Variants in KLHL29 observed in about 807,000 individuals in gnomAD.
KLHL29 encodes kelch like family member 29, also known as kelch-like protein 29.
A neutral mutation model predicts 80.4 loss-of-function variants in KLHL29; 21 were observed. That is an observed-to-expected ratio of 0.26 (90% CI 0.19 to 0.38). KLHL29 has a LOEUF of 0.38. Among genes scored for constraint, KLHL29 ranks in the 10% least tolerant of loss-of-function variants. The pLI, the probability that KLHL29 is intolerant of heterozygous loss-of-function variation, is 1.00. For synonymous variants in KLHL29, 511 were observed against 526.8 expected (o/e 0.97, Z 0.41); for missense variants, 867 against 1,223.9 (o/e 0.71, Z 4.35).
chr2:23,632,453 A>G (rs1465065855), intron 3 of KLHL29, among the ~76,000 whole-genome samples: 1 of 152,232 alleles, frequency 6.6e-6, no homozygotes, highest in East Asian at 1.9e-4. Context: ...CCACAGGTGG[A>G]CCTGGCACCG....
At chr2:23,550,903 C>T (rs1046147278) in intron 2 of KLHL29, among the ~76,000 whole-genome samples, 1 of 152,184 alleles carries the variant, frequency 6.6e-6, no homozygotes, top group Non-Finnish European at 1.5e-5. Flanking sequence ...GCCTGAGAGG[C>T]GGCCCTGGGA....
At chr2:23,573,720 T>C (rs1653724) in intron 3 of KLHL29, among the ~76,000 whole-genome samples, 10,357 of 152,310 alleles carry the variant, frequency 0.068, 720 homozygotes, top group African/African-American at 0.18. Context: ...TCTTCATTTT[T>C]TGTCTGATCA....
At chr2:23,705,377 G>A (rs1244471864) in intron 13 of KLHL29, among the ~76,000 whole-genome samples, 5 of 152,112 alleles carry the variant, frequency 3.3e-5, no homozygotes, top group Admixed American at 3.3e-4. Flanking sequence ...TGTAATCCCA[G>A]CTAACTCAGG....
At chr2:23,506,622 A>G (rs1448369159) in intron 2 of KLHL29, among the ~76,000 whole-genome samples, 1 of 152,122 alleles carries the variant, frequency 6.6e-6, no homozygotes, top group Non-Finnish European at 1.5e-5. Context: ...AAATCACACT[A>G]GGACATTTAA....
intron 5 of KLHL29, among the ~76,000 whole-genome samples, chr2:23,677,767 G>T (rs191061400): frequency 3.2e-4 from 49 of 152,344 alleles, no homozygotes; most frequent in Admixed American, 3.1e-3. Context: ...CGCGCTCCCT[G>T]CTCCTGGATG....
At chr2:23,641,385 A>G (rs1424142942) in intron 4 of KLHL29, among the ~76,000 whole-genome samples, 1 of 151,936 alleles carries the variant, frequency 6.6e-6, no homozygotes, top group African/African-American at 2.4e-5. Flanking sequence ...CAGCCTTTCC[A>G]TACGTCCCCC....
At chr2:23,422,574 CCT>C (rs1243461595) in intron 1 of KLHL29, among the ~76,000 whole-genome samples, 1 of 139,724 alleles carries the variant, frequency 7.2e-6, no homozygotes, top group Non-Finnish European at 1.6e-5. Context: ...TGTATGTGTC[CCT>C]GTCTGTGTGT....
chr2:23,667,071 CTGTT>C (rs1670573185), intron 5 of KLHL29: 1 of 152,242 alleles, frequency 6.6e-6, no homozygotes, highest in African/African-American at 2.4e-5. Context: ...ATAGAGATGT[CTGTT>C]CTGGGAGGTC....
chr2:23,675,045 C>T (rs1450271919), intron 5 of KLHL29, among the ~76,000 whole-genome samples: 1 of 152,186 alleles, frequency 6.6e-6, no homozygotes, highest in South Asian at 2.1e-4. Flanking sequence ...CTCCAGAGCT[C>T]TTCACACCAC....
At chr2:23,622,495 AT>A (rs1245511269) in intron 3 of KLHL29, among the ~76,000 whole-genome samples, 1 of 152,226 alleles carries the variant, frequency 6.6e-6, no homozygotes, top group Admixed American at 6.5e-5. Flanking sequence ...GGATGGACAA[AT>A]GCGAATGATG....
chr2:23,589,160 A>T (rs1668191583), intron 3 of KLHL29, among the ~76,000 whole-genome samples: 1 of 152,278 alleles, frequency 6.6e-6, no homozygotes, highest in East Asian at 1.9e-4. Context: ...ATTGAGGCAG[A>T]AATGAGCCAG....
intron 4 of KLHL29, 70 bp downstream of exon 4, chr2:23,639,350 GA>G: frequency 6.8e-7 from 1 of 1,469,310 alleles, no homozygotes; most frequent in Non-Finnish European, 9.2e-7. Flanking sequence ...GCTTCCTGGG[GA>G]CCCCAACTCC....
chr2:23,562,619 G>A lies in KLHL29; in HGVS notation c.285+138G>A. The A allele has an allele frequency of 1.2e-6, 1 of 843,898 alleles. No individual in the cohort carries two copies. Among genetic ancestry groups the A allele is most frequent in the Non-Finnish European group, 1.8e-6 (1 of 563,062 alleles). 52.3% of individuals were successfully genotyped at this position (843,898 alleles called of 1,614,324 possible). A position where few individuals can be genotyped will look rare whatever the true frequency, so the allele number is the denominator to read the frequency against. On this transcript the variant is annotated intron_variant, in intron 3 of 13. Transcript: ENST00000486442. This position sits in a 1 kb window ranked among gnomAD's most constrained non-coding sequence, Gnocchi z 4.5. The stretch of plus-strand genomic sequence containing the variant: ...GTCCTCCAGAGTCTTGTCCTTCCAG[G>A]ACCTGGGCCTGGAAACTGTTTGCGA...
chr2:23,671,770 G>A lies in KLHL29; in HGVS notation c.941-12629G>A, dbSNP rs981110880. 3.6e-4 allele frequency among the ~76,000 whole-genome samples: 55 copies of A among 152,328 alleles called. 1 individual carries two copies. Among genetic ancestry groups the A allele is most frequent in the African/African-American group, 1.3e-3 (52 of 41,580 alleles). On this transcript the variant is annotated intron_variant, in intron 5 of 13. Transcript: ENST00000486442. ...GTAGGAGGTGGTCTCATGAGTAGATGCAGAGCCAGCCACTTCTGGAACCTA... is the reference window on the plus strand; with the variant it reads ...GTAGGAGGTGGTCTCATGAGTAGATACAGAGCCAGCCACTTCTGGAACCTA...
intron 2 of KLHL29, chr2:23,532,444 A>G (rs1572382982): frequency 2.5e-6 from 1 of 400,700 alleles, no homozygotes; most frequent in African/African-American, 2.1e-5. Context: ...GAGCCCACGC[A>G]CCCTCTGCAC....
intron 2 of KLHL29, among the ~76,000 whole-genome samples, chr2:23,559,855 C>A (rs148218758): frequency 1.1e-3 from 165 of 151,978 alleles, no homozygotes; most frequent in African/African-American, 3.9e-3. Context: ...CCCGGAGGAG[C>A]CCCAGCTTTT....
intron 5 of KLHL29, among the ~76,000 whole-genome samples, chr2:23,679,156 G>T (rs1345861337): frequency 2.0e-5 from 3 of 152,128 alleles, no homozygotes; most frequent in Non-Finnish European, 4.4e-5. Context: ...CATGCCTTGT[G>T]TATCAGTTAG....
intron 1 of KLHL29, among the ~76,000 whole-genome samples, chr2:23,415,281 C>T (rs1418484817): frequency 6.6e-6 from 1 of 152,214 alleles, no homozygotes; most frequent in East Asian, 1.9e-4. Context: ...AAGGCAGGGG[C>T]TTAGCTGTGT....
chr2:23,452,912 C>CCCCA (rs1553325470), intron 1 of KLHL29, among the ~76,000 whole-genome samples: 1 of 150,162 alleles, frequency 6.7e-6, no homozygotes, highest in African/African-American at 2.4e-5. Flanking sequence ...ACCCCCCCGC[C>CCCCA]CACACACACA....
Sources: gnomAD v4.1 joint callset for allele counts (sites outside exome capture counted in the v4.1 genomes callset) on GRCh38, gnomAD v4.1.1 for gene constraint, Gnocchi (gnomAD v3.1) non-coding constraint, MANE v1.5 for transcripts, NCBI Gene and HGNC (gene_info 2026-07-23, HGNC 2026-07-21) for gene names.